The following PTPRD variants were observed in gnomAD, a reference collection of about 807,000 sequenced individuals.
PTPRD encodes receptor-type tyrosine-protein phosphatase delta.
A neutral mutation model predicts 214.5 loss-of-function variants in PTPRD; 34 were observed. The ratio of observed to expected loss-of-function variants is 0.16; its 90% CI spans 0.12 to 0.21. PTPRD has a LOEUF of 0.21. Ranked by LOEUF, PTPRD falls within the 10% of genes least tolerant of loss-of-function variation. PTPRD has a pLI of 1.00. For missense variants in PTPRD, 2,545 were observed against 2,398.7 expected, an observed-to-expected ratio of 1.06 and a Z score of -1.27; for synonymous variants, 1,128 against 845.7, an observed-to-expected ratio of 1.33 and a Z score of -5.79.
intron 2 of PTPRD, among the ~76,000 whole-genome samples, chr9:10,598,313 G>C (rs1374342075): frequency 6.6e-6 from 1 of 151,634 alleles, no homozygotes; most frequent in Non-Finnish European, 1.5e-5. Flanking sequence ...AGTAAAATTA[G>C]CCTAATATTA....
At chr9:8,549,747 G>A (rs1159708813) in intron 14 of PTPRD, among the ~76,000 whole-genome samples, 1 of 152,072 alleles carries the variant, frequency 6.6e-6, no homozygotes, top group Non-Finnish European at 1.5e-5. Flanking sequence ...TATTCAAATT[G>A]TAAATTATCT....
chr9:9,917,631 A>T (rs1328101683), intron 5 of PTPRD, among the ~76,000 whole-genome samples: 1 of 151,934 alleles, frequency 6.6e-6, no homozygotes, highest in African/African-American at 2.4e-5. Context: ...CAAGGATATA[A>T]AAATAGCTAA....
intron 9 of PTPRD, among the ~76,000 whole-genome samples, chr9:9,331,122 G>C (rs2042153336): frequency 6.6e-6 from 1 of 152,024 alleles, no homozygotes; most frequent in Non-Finnish European, 1.5e-5. Flanking sequence ...TCAAGGACTA[G>C]CTATTCTATT....
In PTPRD at chr9:9,954,654, T is replaced by A. The variant is rs932117874; in HGVS notation, c.-471-16044A>T. ...CTTTTAGAATACTATAATAGGTACA[T>A]AACAAACATCCTTATACATATAAAA... On this transcript the variant is annotated intron_variant, in intron 4 of 45. Coordinates refer to ENST00000381196, the MANE Select transcript of PTPRD (RefSeq NM_002839.4). Among the ~76,000 whole-genome samples, 9 of 152,070 alleles carry A rather than the reference T, an allele frequency of 5.9e-5. No homozygotes were observed. The South Asian group carries it at 1.2e-3, about 21-fold the overall frequency.
chr9:10,602,787 C>T (rs977124), intron 2 of PTPRD, among the ~76,000 whole-genome samples: 2 of 151,560 alleles, frequency 1.3e-5, no homozygotes, highest in Non-Finnish European at 3.0e-5. Context: ...AATCAGTATC[C>T]TTACATTTTA....
chr9:8,448,955 G>A (rs935637555), intron 34 of PTPRD, among the ~76,000 whole-genome samples: 3 of 151,988 alleles, frequency 2.0e-5, no homozygotes, highest in Non-Finnish European at 4.4e-5. Flanking sequence ...AGGGTCACTC[G>A]GTTTTATATT....
chr9:8,511,195 A>C (rs1207289428), intron 21 of PTPRD, among the ~76,000 whole-genome samples: 1 of 152,118 alleles, frequency 6.6e-6, no homozygotes, highest in African/African-American at 2.4e-5. Flanking sequence ...CAGCCCCCTG[A>C]GTAGCTGAGA....
At chr9:8,552,514 G>C (rs1044530944) in intron 14 of PTPRD, among the ~76,000 whole-genome samples, 1 of 152,144 alleles carries the variant, frequency 6.6e-6, no homozygotes, top group African/African-American at 2.4e-5. Context: ...GCACTCTTCA[G>C]AGGATGAAGA....
At chr9:9,895,714 G>A (rs1006296490) in intron 5 of PTPRD, among the ~76,000 whole-genome samples, 1 of 151,990 alleles carries the variant, frequency 6.6e-6, no homozygotes, top group African/African-American at 2.4e-5. Flanking sequence ...TTGAAAAATG[G>A]TAAGAATGAG....
In PTPRD at chr9:8,971,353, C is replaced by T. The variant is rs960383779; in HGVS notation, c.-104+47344G>A. ...GAGAAATTAAAAAAAACCCCAAAACCTTCCTGCCTGTTCAAAGTCAATATA... is the reference window on the plus strand; with the variant it reads ...GAGAAATTAAAAAAAACCCCAAAACTTTCCTGCCTGTTCAAAGTCAATATA... On this transcript the variant is annotated intron_variant, in intron 11 of 45. Transcript: ENST00000381196. 2.0e-5 allele frequency among the ~76,000 whole-genome samples: 3 copies of T among 151,664 alleles called. No individual in the cohort carries two copies. In the East Asian group the frequency reaches 5.8e-4, roughly 29 times the overall value.
intron 3 of PTPRD, among the ~76,000 whole-genome samples, chr9:10,269,967 A>G (rs1055688367): frequency 1.3e-5 from 2 of 152,134 alleles, no homozygotes; most frequent in Non-Finnish European, 1.5e-5. Flanking sequence ...ATAGGGAAAT[A>G]CAGAATAAAA....
At chr9:9,149,428 A>G (rs894413574) in intron 10 of PTPRD, among the ~76,000 whole-genome samples, 1 of 152,212 alleles carries the variant, frequency 6.6e-6, no homozygotes, top group African/African-American at 2.4e-5. Flanking sequence ...GCTCTCTCAT[A>G]AATCAGATCA....
chr9:8,907,379 A>C (rs1010571709), intron 11 of PTPRD, among the ~76,000 whole-genome samples: 26 of 151,782 alleles, frequency 1.7e-4, no homozygotes, highest in Non-Finnish European at 3.7e-4. Context: ...TTAGCTAGGC[A>C]TGGTGGTGGT....
rs144153943 is a variant in PTPRD, at chr9:9,336,378, T to A, written c.-203+61071A>T. 3.6e-3 allele frequency among the ~76,000 whole-genome samples: 548 copies of A among 152,192 alleles called. 4 individuals are homozygous for A. The highest frequency in any genetic ancestry group is 0.013 in the African/African-American group (531 of 41,536). On this transcript the variant is annotated intron_variant, in intron 9 of 45. Transcript: ENST00000381196. The stretch of plus-strand genomic sequence containing the variant: ...AATGTTGTGCTATCAACTTTTGGGT[T>A]CCTAAATAGAAACTGAATCATAAAC...
At chr9:9,115,324 G>A (rs1039480197) in intron 10 of PTPRD, among the ~76,000 whole-genome samples, 54 of 152,038 alleles carry the variant, frequency 3.6e-4, no homozygotes, top group African/African-American at 1.3e-3. Context: ...TCCATGACAT[G>A]AACAGACATT....
chr9:10,457,531 T>C (rs1468020449), intron 2 of PTPRD, among the ~76,000 whole-genome samples: 1 of 152,046 alleles, frequency 6.6e-6, no homozygotes, highest in African/African-American at 2.4e-5. Flanking sequence ...TCTTCTACTA[T>C]TGACAGACAT....
intron 7 of PTPRD, among the ~76,000 whole-genome samples, chr9:9,717,168 C>A (rs371209034): frequency 1.3e-5 from 2 of 151,906 alleles, no homozygotes; most frequent in African/African-American, 2.4e-5. Flanking sequence ...TGTAGATATG[C>A]GGCGTTATTT....
intron 9 of PTPRD, among the ~76,000 whole-genome samples, chr9:9,378,853 T>C (rs10435824): frequency 0.23 from 35,597 of 151,924 alleles, 4,251 homozygotes; most frequent in Middle Eastern, 0.37. Context: ...CACTTTTTAA[T>C]TTTTTCCTAT....
intron 37 of PTPRD, among the ~76,000 whole-genome samples, chr9:8,381,914 T>A (rs2085220699): frequency 6.6e-6 from 1 of 152,178 alleles, no homozygotes; most frequent in Non-Finnish European, 1.5e-5. Context: ...CTGTGTGAGG[T>A]GCCTCTTTCT....
Sources: gnomAD v4.1 joint callset for allele counts (sites outside exome capture counted in the v4.1 genomes callset) on GRCh38, gnomAD v4.1.1 for gene constraint, MANE v1.5 for transcripts, NCBI Gene and HGNC (gene_info 2026-07-23, HGNC 2026-07-21) for gene names.